HNRNPR: variants seen among roughly 807,000 people sequenced by gnomAD.
HNRNPR encodes heterogeneous nuclear ribonucleoprotein R.
In HNRNPR, 4 loss-of-function variants were observed where a neutral mutation model predicts 70.3. The ratio of observed to expected loss-of-function variants is 0.06; its 90% CI spans 0.03 to 0.13. HNRNPR has a LOEUF of 0.13. Among genes scored for constraint, HNRNPR ranks in the 10% least tolerant of loss-of-function variants. HNRNPR has a pLI of 1.00. For missense variants in HNRNPR, 423 were observed against 788.5 expected, an observed-to-expected ratio of 0.54 and a Z score of 5.55; for synonymous variants, 241 against 267.6, an observed-to-expected ratio of 0.90 and a Z score of 0.97.
intron 5 of HNRNPR, among the ~76,000 whole-genome samples, chr1:23,327,256 C>G (rs1036237481): frequency 2.6e-5 from 4 of 152,122 alleles, no homozygotes; most frequent in Non-Finnish European, 5.9e-5. Context: ...TAATACAAAT[C>G]TTTCAAGAGA....
chr1:23,332,131 A>G (rs1646258595), intron 5 of HNRNPR, among the ~76,000 whole-genome samples: 1 of 151,862 alleles, frequency 6.6e-6, no homozygotes, highest in Non-Finnish European at 1.5e-5. Flanking sequence ...GACTGAATGG[A>G]GAGAGGGGAG....
chr1:23,343,331 G>A (rs1476344779), intron 1 of HNRNPR, among the ~76,000 whole-genome samples: 2 of 152,158 alleles, frequency 1.3e-5, no homozygotes, highest in Admixed American at 6.5e-5. Flanking sequence ...AAGAACCAAC[G>A]AAATGAGACT....
At chr1:23,313,054 T>C (rs1386208088) in intron 9 of HNRNPR, among the ~76,000 whole-genome samples, 1 of 152,152 alleles carries the variant, frequency 6.6e-6, no homozygotes, top group Non-Finnish European at 1.5e-5. Flanking sequence ...CTCTAACAAT[T>C]ACCGAAATCA....
At chr1:23,324,747 T>C (rs1645897800) in intron 5 of HNRNPR, among the ~76,000 whole-genome samples, 1 of 152,178 alleles carries the variant, frequency 6.6e-6, no homozygotes, top group Admixed American at 6.5e-5. Flanking sequence ...GATTAAATTA[T>C]AATATACAAT....
chr1:23,318,615 T>C lies in HNRNPR; in HGVS notation c.885A>G (p.Glu295=), dbSNP rs1261539990. Residue 295 remains glutamate (E), a synonymous_variant, in exon 8 of 11, where the codon GAA becomes GAG. Coordinates refer to ENST00000302271, the MANE Select transcript of HNRNPR (RefSeq NM_005826.5). The surrounding 1 kb of genome is among the most constrained non-coding windows in gnomAD (Gnocchi z 4.2). ...GTGCTGCTGACTTGTGATCCTCATA[T>C]TCAAGGAAGCAGAACCCCCGATTCT... is the stretch of plus-strand genomic sequence containing the variant. The part of the protein sequence containing the change: ...KKKNRGFCFL[E]YEDHKSAAQA... 1 of 1,614,192 alleles carries C rather than the reference T, an allele frequency of 6.2e-7. No individual in the cohort carries two copies. Among genetic ancestry groups the C allele is most frequent in the South Asian group, 1.1e-5 (1 of 91,078 alleles).
At chr1:23,321,171 A>T (rs1645743868) in intron 7 of HNRNPR, among the ~76,000 whole-genome samples, 1 of 151,568 alleles carries the variant, frequency 6.6e-6, no homozygotes, top group Non-Finnish European at 1.5e-5. Context: ...CTCAAAAAAA[A>T]AAAAAATCTG....
At chr1:23,340,819 T>C (rs770677844) in intron 2 of HNRNPR, 33 bp downstream of exon 2, 3 of 1,562,286 alleles carry the variant, frequency 1.9e-6, no homozygotes, top group Non-Finnish European at 2.6e-6. Context: ...CTCACTTTCA[T>C]AACCAGTCAG....
intron 6 of HNRNPR, 110 bp downstream of exon 6, chr1:23,323,446 T>G: frequency 1.9e-6 from 2 of 1,039,564 alleles, no homozygotes; most frequent in South Asian, 3.3e-5. Flanking sequence ...ATAAAAACAT[T>G]CCAAGCAACA....
rs1645636647 is a variant in HNRNPR, at chr1:23,318,519, G to A, written c.981C>T (p.Asp327=). The part of the protein sequence containing the change: ...WGNVVTVEWA[D]PVEEPDPEVM... ...CTTCTGGATCTGGTTCTTCCACAGGGTCAGCCCATTCAACTGTAACTACAT... is the reference window on the plus strand; with the variant it reads ...CTTCTGGATCTGGTTCTTCCACAGGATCAGCCCATTCAACTGTAACTACAT... Residue 327 remains aspartate, a synonymous_variant, in exon 8 of 11, where the codon GAC becomes GAT. Coordinates refer to ENST00000302271, the MANE Select transcript of HNRNPR (RefSeq NM_005826.5). The surrounding 1 kb of genome is among the most constrained non-coding windows in gnomAD (Gnocchi z 4.2). 6.2e-7 allele frequency: 1 copy of A among 1,614,022 alleles called. No individual in the cohort carries two copies. The highest frequency in any genetic ancestry group is 1.3e-5 in the African/African-American group (1 of 74,898).
intron 4 of HNRNPR, among the ~76,000 whole-genome samples, chr1:23,337,060 T>C (rs1410953760): frequency 6.6e-6 from 1 of 152,196 alleles, no homozygotes; most frequent in East Asian, 1.9e-4. Flanking sequence ...GAAACTGAGG[T>C]AACTGAATAT....
chr1:23,323,060 C>A (rs1314311387), intron 6 of HNRNPR, among the ~76,000 whole-genome samples: 1 of 152,044 alleles, frequency 6.6e-6, no homozygotes, highest in South Asian at 2.1e-4. Flanking sequence ...ACAGGAAGAA[C>A]AAAAATACAC....
chr1:23,313,102 TTAAA>T (rs1288874396), intron 9 of HNRNPR, among the ~76,000 whole-genome samples: 2 of 152,260 alleles, frequency 1.3e-5, no homozygotes, highest in African/African-American at 2.4e-5. Flanking sequence ...TCTAAAATGA[TTAAA>T]TAAAGGTAAA....
At chr1:23,322,302 C>T (rs1008619573) in intron 6 of HNRNPR, among the ~76,000 whole-genome samples, 1 of 151,444 alleles carries the variant, frequency 6.6e-6, no homozygotes, top group Non-Finnish European at 1.5e-5. Context: ...GTAGCATGAT[C>T]TTTGCTCACT....
chr1:23,332,046 C>A (rs1379447196), intron 5 of HNRNPR, among the ~76,000 whole-genome samples: 1 of 151,780 alleles, frequency 6.6e-6, no homozygotes, highest in African/African-American at 2.4e-5. Flanking sequence ...GCAGGAGAAT[C>A]GCTTGAACCT....
chr1:23,329,696 A>G (rs1296542192), intron 5 of HNRNPR, among the ~76,000 whole-genome samples: 6 of 152,216 alleles, frequency 3.9e-5, no homozygotes, highest in Non-Finnish European at 2.9e-5. Flanking sequence ...CAGTGGCACA[A>G]TAACAGCTCA....
In HNRNPR at chr1:23,306,651, G is replaced by GTA. The variant is rs1436651697; in HGVS notation, c.*3801_*3802dup. 6.6e-6 allele frequency: 1 copy of GTA among 151,500 alleles called. No homozygotes were observed. The highest frequency in any genetic ancestry group is 1.5e-5 in the Non-Finnish European group (1 of 67,874). 9.4% of individuals were successfully genotyped at this position (151,500 alleles called of 1,614,324 possible). A position where few individuals can be genotyped will look rare whatever the true frequency, so the allele number is the denominator to read the frequency against. ...CTTCTGGTAACCTCTAAATAAAAAA[G>GTA]TATATATATGTACTTTTATTTAAAG... On this transcript the variant is annotated 3_prime_UTR_variant, in exon 11 of 11. Coordinates refer to ENST00000302271, the MANE Select transcript of HNRNPR (RefSeq NM_005826.5).
In HNRNPR at chr1:23,337,091, A is replaced by G. The variant is rs552282346; in HGVS notation, c.384+663T>C. On this transcript the variant is annotated intron_variant, in intron 4 of 10. Transcript: ENST00000302271. Reference sequence around the variant, plus strand: ...AATATTCAAAAGGAGGAAAGCAGTTATAACAACTTTTTATCAAGTTATAAC... The same window carrying G: ...AATATTCAAAAGGAGGAAAGCAGTTGTAACAACTTTTTATCAAGTTATAAC... Among the ~76,000 whole-genome samples, 19 of 152,386 alleles carry G rather than the reference A, an allele frequency of 1.2e-4. No homozygotes were observed. The East Asian group carries it at 2.7e-3, about 22-fold the overall frequency.
intron 2 of HNRNPR, among the ~76,000 whole-genome samples, chr1:23,338,933 C>A (rs1646607458): frequency 6.6e-6 from 1 of 152,170 alleles, no homozygotes; most frequent in Non-Finnish European, 1.5e-5. Context: ...TACTGTATTA[C>A]AGATTATGCA....
chr1:23,310,377 G>T lies in HNRNPR; in HGVS notation c.*77C>A. The T allele has an allele frequency of 7.1e-7, 1 of 1,406,226 alleles. No individual in the cohort carries two copies. The highest frequency in any genetic ancestry group is 9.6e-7 in the Non-Finnish European group (1 of 1,047,078). The allele number at this position is 1,406,226 out of a possible 1,614,324, so 87.1% of individuals were successfully genotyped here. On this transcript the variant is annotated 3_prime_UTR_variant, in exon 11 of 11. Transcript: ENST00000302271. This position sits in a 1 kb window ranked among gnomAD's most constrained non-coding sequence, Gnocchi z 6.0. ...TGCTACTTAAAGATGAAACAGTTAAGCCAATTTTTTTTTTTGAAGAATGTA... is the reference window on the plus strand; with the variant it reads ...TGCTACTTAAAGATGAAACAGTTAATCCAATTTTTTTTTTTGAAGAATGTA...
Sources: allele counts gnomAD v4.1 joint callset (sites outside exome capture counted in the v4.1 genomes callset), GRCh38; gene constraint gnomAD v4.1.1; non-coding constraint Gnocchi (gnomAD v3.1); transcripts MANE v1.5; gene names NCBI Gene and HGNC (gene_info 2026-07-23, HGNC 2026-07-21).